DCAF17: variants seen among roughly 807,000 people sequenced by gnomAD.
The protein encoded by DCAF17 is DDB1 and CUL4 associated factor 17.
DCAF17 carries 48 observed loss-of-function variants against 66.0 expected under a neutral mutation model. The observed-to-expected ratio is 0.73, with a 90% CI of 0.58 to 0.92. The LOEUF (loss-of-function observed/expected upper bound fraction) is 0.92. Among genes scored for constraint, DCAF17 ranks in the 40% least tolerant of loss-of-function variants. The pLI is 0.00. For missense variants in DCAF17, 562 were observed against 622.8 expected (o/e 0.90, Z 1.04); for synonymous variants, 206 against 214.6 (o/e 0.96, Z 0.35).
intron 8 of DCAF17, among the ~76,000 whole-genome samples, chr2:171,462,617 C>T (rs1473469166): frequency 6.6e-6 from 1 of 151,920 alleles, no homozygotes; most frequent in Non-Finnish European, 1.5e-5. Context: ...CCTTTATGGC[C>T]CCCAACAATT....
rs1020185626 is a variant in DCAF17, at chr2:171,484,391, C to T, written c.*3277C>T. 8.5e-5 allele frequency: 33 copies of T among 389,762 alleles called. No homozygotes were observed. The highest frequency in any genetic ancestry group is 5.1e-4 in the African/African-American group (24 of 47,148). 24.1% of individuals were successfully genotyped at this position (389,762 alleles called of 1,614,324 possible). A position where few individuals can be genotyped will look rare whatever the true frequency, so the allele number is the denominator to read the frequency against. On this transcript the variant is annotated 3_prime_UTR_variant, in exon 14 of 14. Transcript: ENST00000375255. ...TTATTATGAAAAATGTTCAAACATA[C>T]AGTAAAATTGAAAGAATTTTATAGT... is the stretch of plus-strand genomic sequence containing the variant.
intron 13 of DCAF17, among the ~76,000 whole-genome samples, chr2:171,480,723 C>T (rs1053361067): frequency 1.3e-5 from 2 of 152,120 alleles, no homozygotes; most frequent in African/African-American, 2.4e-5. Context: ...ATAATAGCAG[C>T]GTTGGCAATA....
In DCAF17 at chr2:171,481,184, T is replaced by G. The variant is rs1473891147; in HGVS notation, c.*70T>G. 1 of 1,588,200 alleles carries G rather than the reference T, an allele frequency of 6.3e-7. No individual in the cohort carries two copies. The highest frequency in any genetic ancestry group is 2.2e-5 in the East Asian group (1 of 44,700). ...CCCAGCAGCTGCGTCCAATCCATTTTATTATCTGCATGGCACATTCTCCAG... is the reference window on the plus strand; with the variant it reads ...CCCAGCAGCTGCGTCCAATCCATTTGATTATCTGCATGGCACATTCTCCAG... On this transcript the variant is annotated 3_prime_UTR_variant, in exon 14 of 14. Transcript: ENST00000375255.
intron 2 of DCAF17, among the ~76,000 whole-genome samples, chr2:171,438,969 A>G (rs1369312651): frequency 1.6e-5 from 2 of 122,304 alleles, no homozygotes; most frequent in African/African-American, 5.8e-5. Flanking sequence ...CCTGACCTCA[A>G]GTAGTCCTCC....
chr2:171,476,822 G>T, intron 10 of DCAF17, 38 bp from the exon 11 acceptor site: 1 of 1,505,374 alleles, frequency 6.6e-7, no homozygotes, highest in South Asian at 1.1e-5. Flanking sequence ...ATGGTGTTTT[G>T]AAGTCTTAGG....
chr2:171,472,850 C>G, intron 9 of DCAF17: 1 of 292,372 alleles, frequency 3.4e-6, no homozygotes, highest in Non-Finnish European at 7.1e-6. Context: ...GGAAATATGG[C>G]ATCATTTCAT....
chr2:171,440,095 C>G (rs1348907763), intron 2 of DCAF17, among the ~76,000 whole-genome samples: 2 of 152,158 alleles, frequency 1.3e-5, no homozygotes, highest in Admixed American at 6.5e-5. Context: ...CTGAGTATAG[C>G]TGGAACTACA....
At chr2:171,460,094 G>A (rs549232032) in intron 8 of DCAF17, among the ~76,000 whole-genome samples, 1 of 152,216 alleles carries the variant, frequency 6.6e-6, no homozygotes, top group South Asian at 2.1e-4. Flanking sequence ...GGAGGCTGAG[G>A]CGGGTGGATC....
intron 3 of DCAF17, among the ~76,000 whole-genome samples, chr2:171,448,355 T>C (rs1694752895): frequency 1.3e-5 from 2 of 151,336 alleles, no homozygotes; most frequent in South Asian, 2.1e-4. Flanking sequence ...ATTGTTGTTA[T>C]TGTTATCACA....
At chr2:171,461,792 CT>C (rs112384852) in intron 8 of DCAF17, among the ~76,000 whole-genome samples, 65 of 152,320 alleles carry the variant, frequency 4.3e-4, no homozygotes, top group African/African-American at 1.6e-3. Context: ...AAAAGTTCCC[CT>C]GTGCTCTTCG....
intron 8 of DCAF17, among the ~76,000 whole-genome samples, chr2:171,466,783 T>G (rs1386768005): frequency 6.6e-6 from 1 of 151,624 alleles, no homozygotes; most frequent in African/African-American, 2.4e-5. Flanking sequence ...AATTTCATAT[T>G]CTTTATATAT....
chr2:171,438,745 T>C (rs951674434), intron 2 of DCAF17, among the ~76,000 whole-genome samples: 1 of 152,124 alleles, frequency 6.6e-6, no homozygotes, highest in African/African-American at 2.4e-5. Flanking sequence ...GCCTTTTTTT[T>C]TCCCCCCCAA....
At chr2:171,451,300 C>G (rs1279105602) in intron 5 of DCAF17, among the ~76,000 whole-genome samples, 3 of 152,116 alleles carry the variant, frequency 2.0e-5, no homozygotes, top group African/African-American at 7.2e-5. Flanking sequence ...CCTGCCCAGT[C>G]ACATTAATAA....
intron 12 of DCAF17, among the ~76,000 whole-genome samples, chr2:171,479,113 T>A (rs2105811930): frequency 6.6e-6 from 1 of 152,256 alleles, no homozygotes; most frequent in Admixed American, 6.5e-5. Context: ...AAAAAGGAAA[T>A]AACGTAAAAG....
intron 2 of DCAF17, among the ~76,000 whole-genome samples, chr2:171,437,313 C>T (rs1694030843): frequency 2.0e-5 from 3 of 152,168 alleles, no homozygotes; most frequent in Admixed American, 6.5e-5. Flanking sequence ...TGCAGCTATA[C>T]ATTTGTCCTA....
chr2:171,469,095 A>G (rs1696089635), intron 9 of DCAF17, 65 bp downstream of exon 9: 2 of 1,552,208 alleles, frequency 1.3e-6, no homozygotes, highest in African/African-American at 1.4e-5. Flanking sequence ...CTACCTCTCA[A>G]ATAGGCCCAC....
At chr2:171,458,834 C>T (rs1411863881) in intron 8 of DCAF17, among the ~76,000 whole-genome samples, 1 of 152,126 alleles carries the variant, frequency 6.6e-6, no homozygotes, top group Non-Finnish European at 1.5e-5. Flanking sequence ...TTTACCCCCT[C>T]TCTAAGAAAG....
intron 3 of DCAF17, among the ~76,000 whole-genome samples, chr2:171,444,865 AGCT>A (rs1694525942): frequency 6.6e-6 from 1 of 151,760 alleles, no homozygotes; most frequent in Non-Finnish European, 1.5e-5. Flanking sequence ...AGTTTTCTGG[AGCT>A]GCTGCTTTCT....
In DCAF17 at chr2:171,482,821, A is replaced by C. The variant is rs1172223081; in HGVS notation, c.*1707A>C. The C allele has an allele frequency of 6.6e-6, 3 of 453,972 alleles. No individual in the cohort carries two copies. The highest frequency in any genetic ancestry group is 6.0e-5 in the African/African-American group (3 of 50,004). 28.1% of individuals were successfully genotyped at this position (453,972 alleles called of 1,614,324 possible). A position where few individuals can be genotyped will look rare whatever the true frequency, so the allele number is the denominator to read the frequency against. ...TTTTTTGCTGGGGGTAGATGGTGGAATACTTCTGGTCTAGATATAACTTAC... is the reference window on the plus strand; with the variant it reads ...TTTTTTGCTGGGGGTAGATGGTGGACTACTTCTGGTCTAGATATAACTTAC... On this transcript the variant is annotated 3_prime_UTR_variant, in exon 14 of 14. Transcript: ENST00000375255.
Sources: allele counts gnomAD v4.1 joint callset (sites outside exome capture counted in the v4.1 genomes callset), GRCh38; gene constraint gnomAD v4.1.1; transcripts MANE v1.5; gene names NCBI Gene and HGNC (gene_info 2026-07-23, HGNC 2026-07-21).